IGDCC4: variants seen among roughly 807,000 people sequenced by gnomAD.
The protein encoded by IGDCC4 is likely ortholog of mouse neighbor of Punc E11.
Under a neutral mutation model 116.6 loss-of-function variants are expected in IGDCC4, and 72 were observed. The observed-to-expected ratio is 0.62, with a 90% confidence interval of 0.51 to 0.75. IGDCC4 has a LOEUF of 0.75. Ranked by LOEUF, IGDCC4 falls within the 30% of genes least tolerant of loss-of-function variation. The pLI, the probability that IGDCC4 is intolerant of heterozygous loss-of-function variation, is 0.00. For missense variants in IGDCC4, 1,501 were observed against 1,662.4 expected (o/e 0.90, Z 1.69); for synonymous variants, 709 against 719.9 (o/e 0.98, Z 0.24).
chr15:65,401,045 G>C, intron 4 of IGDCC4, 99 bp from the exon 5 acceptor site: 1 of 1,486,866 alleles, frequency 6.7e-7, no homozygotes, highest in Non-Finnish European at 9.2e-7. Flanking sequence ...TGGTACCGGG[G>C]ACAGCAGCAA....
rs2091484513 is a variant in IGDCC4 at position 65,388,674 on chromosome 15, C to T, written c.2708-88G>A. 5 of 1,599,730 alleles carry T rather than the reference C, an allele frequency of 3.1e-6. No individual in the cohort carries two copies. In the Admixed American group the frequency reaches 6.7e-5, roughly 21 times the overall value. ...GCAGGGAGGGGACTGGGAGAGTCTG[C>T]TCTCCACTTAGGCAGCAGCTTCTGC... On this transcript the variant is annotated intron_variant, in intron 15 of 19. Coordinates refer to ENST00000352385, the MANE Select transcript of IGDCC4 (RefSeq NM_020962.3).
At chr15:65,410,822 A>C in intron 2 of IGDCC4, 198 bp downstream of exon 2, 1 of 587,364 alleles carries the variant, frequency 1.7e-6, no homozygotes, top group Non-Finnish European at 3.0e-6. Context: ...AGTGGAGAAG[A>C]AGCGGGAAGA....
At chr15:65,407,465 C>T (rs930222068) in intron 3 of IGDCC4, among the ~76,000 whole-genome samples, 2 of 152,098 alleles carry the variant, frequency 1.3e-5, no homozygotes, top group African/African-American at 4.8e-5. Flanking sequence ...GCCTCAGCCT[C>T]CTGAGTAGCT....
chr15:65,401,320 C>A (rs1195180727), intron 4 of IGDCC4, among the ~76,000 whole-genome samples: 1 of 152,224 alleles, frequency 6.6e-6, no homozygotes, highest in African/African-American at 2.4e-5. Flanking sequence ...GCCATTAACG[C>A]ACTGGGTGAC....
chr15:65,421,991 TG>T (rs1204216172), intron 1 of IGDCC4, among the ~76,000 whole-genome samples: 5 of 152,158 alleles, frequency 3.3e-5, no homozygotes, highest in African/African-American at 1.2e-4. Flanking sequence ...GAGGCCCTGC[TG>T]ACCTCGTCCA....
intron 1 of IGDCC4, 57 bp downstream of exon 1, chr15:65,422,736 G>A (rs1049436179): frequency 2.4e-6 from 3 of 1,274,712 alleles, no homozygotes; most frequent in African/African-American, 3.2e-5. Context: ...GCAGACCAGG[G>A]CGCGGGCGCA....
intron 3 of IGDCC4, 65 bp downstream of exon 3, chr15:65,410,113 C>T (rs2063075596): frequency 4.4e-6 from 7 of 1,585,854 alleles, no homozygotes; most frequent in Non-Finnish European, 6.0e-6. Context: ...AATCTCAGTT[C>T]TGAGCACACC....
intron 18 of IGDCC4, chr15:65,385,491 C>T (rs987694553): frequency 1.3e-5 from 7 of 530,596 alleles, no homozygotes; most frequent in East Asian, 1.0e-4. Context: ...TTGGCCACAG[C>T]CAAGCCGACT....
At chr15:65,407,234 C>G (rs1355585914) in intron 3 of IGDCC4, among the ~76,000 whole-genome samples, 1 of 147,300 alleles carries the variant, frequency 6.8e-6, no homozygotes. Context: ...GGATGTTTAT[C>G]AAGTGGTAAG....
intron 1 of IGDCC4, among the ~76,000 whole-genome samples, chr15:65,419,213 G>A (rs1349060123): frequency 1.4e-5 from 2 of 146,616 alleles, no homozygotes. Flanking sequence ...ACACCACCAT[G>A]ACCGCCATGC....
In IGDCC4 at chr15:65,384,705, C is replaced by T; in HGVS notation, c.3342+249G>A. On this transcript the variant is annotated intron_variant, in intron 19 of 19. Transcript: ENST00000352385. This position sits in a 1 kb window ranked among gnomAD's most constrained non-coding sequence, Gnocchi z 4.9. ...CTCAGGCCAGCCACACCCTCAGATC[C>T]ACGGAACTGCTGTGGCCCACTTAGG... The T allele has an allele frequency of 1.9e-6, 1 of 539,154 alleles. No homozygotes were observed. Among genetic ancestry groups the T allele is most frequent in the Non-Finnish European group, 3.2e-6 (1 of 317,306 alleles). The allele number at this position is 539,154 out of a possible 1,614,324, so 33.4% of individuals were successfully genotyped here. A position where few individuals can be genotyped will look rare whatever the true frequency, so the allele number is the denominator to read the frequency against.
At chr15:65,399,671 G>A (rs1052708751) in intron 5 of IGDCC4, among the ~76,000 whole-genome samples, 2 of 152,140 alleles carry the variant, frequency 1.3e-5, no homozygotes, top group African/African-American at 4.8e-5. Flanking sequence ...ATGAGGCAGT[G>A]CAGGTCAGAT....
chr15:65,397,385 G>C (rs1419816998), intron 5 of IGDCC4, among the ~76,000 whole-genome samples: 1 of 152,170 alleles, frequency 6.6e-6, no homozygotes, highest in Non-Finnish European at 1.5e-5. Flanking sequence ...CCAACGATTC[G>C]AATGCGCACA....
rs766938616 is a variant in IGDCC4 at position 65,393,527 on chromosome 15, C to G, written c.1719G>C (p.Gln573His). Residue 573 changes from glutamine to histidine, a missense_variant, in exon 10 of 20, where the codon CAG (glutamine) becomes CAC (histidine). Gln to His is a conservative substitution (Grantham distance 24, BLOSUM62 0). This residue lies in a region of IGDCC4 where 898 missense variants were observed against 978.9 expected (regional missense o/e 0.92). Coordinates refer to ENST00000352385, the MANE Select transcript of IGDCC4 (RefSeq NM_020962.3). The surrounding 1 kb of genome is among the most constrained non-coding windows in gnomAD (Gnocchi z 4.6). Reference protein sequence around the residue: ...KIEYGLGKEDQIFSTEVRGNE... With the variant: ...KIEYGLGKEDHIFSTEVRGNE... ...TTCCTCGCACCTCAGTAGAGAAAAT[C>G]TGATCTGCAGGGACAGAAAAGGTGG... 5.6e-6 allele frequency: 9 copies of G among 1,597,662 alleles called. No homozygotes were observed. In the Admixed American group the frequency reaches 1.5e-4, roughly 27 times the overall value.
rs190372957 is a variant in IGDCC4 at position 65,398,806 on chromosome 15, G to A, written c.842-1817C>T. On this transcript the variant is annotated intron_variant, in intron 5 of 19. Transcript: ENST00000352385. ...CTTGGGAAGCTGAGGCAGGAGAATC[G>A]CTTGAACCGGGAGGCGGAAGTTGCA... Among the ~76,000 whole-genome samples the A allele has an allele frequency of 4.0e-3, 614 of 152,028 alleles. 3 individuals carry two copies. Among genetic ancestry groups the A allele is most frequent in the Non-Finnish European group, 7.0e-3 (477 of 67,972 alleles).
chr15:65,399,469 A>AAAG (rs2062963923), intron 5 of IGDCC4, among the ~76,000 whole-genome samples: 1 of 151,016 alleles, frequency 6.6e-6, no homozygotes, highest in Non-Finnish European at 1.5e-5. Flanking sequence ...AAAAAAAAAA[A>AAAG]AAGATTCCTG....
intron 5 of IGDCC4, among the ~76,000 whole-genome samples, chr15:65,399,144 A>C (rs941124347): frequency 5.3e-5 from 8 of 152,080 alleles, no homozygotes; most frequent in Middle Eastern, 3.2e-3. Flanking sequence ...TGCATTTCTA[A>C]CTAGTCATAG....
Position 65,395,128 on chromosome 15 carries a change from G to T in IGDCC4, c.1542C>A (p.Thr514=). The T allele has an allele frequency of 6.2e-7, 1 of 1,613,732 alleles. No homozygotes were observed. The highest frequency in any genetic ancestry group is 2.2e-5 in the East Asian group (1 of 44,858). ...GTGTGTGCACCAGTGCTGGGGTGGA[G>T]GTGCGGCTGGCTCCCAGCTGGGAGT... is the stretch of plus-strand genomic sequence containing the variant. ...VAYSQLGASR[T]STPALVHTLD... Residue 514 remains threonine (T), a synonymous_variant, in exon 8 of 20, where the codon ACC becomes ACA. Transcript: ENST00000352385.
At chr15:65,386,302 C>A (rs965368714) in intron 17 of IGDCC4, among the ~76,000 whole-genome samples, 6 of 152,210 alleles carry the variant, frequency 3.9e-5, no homozygotes, top group African/African-American at 1.4e-4. Flanking sequence ...AAGATGCTGG[C>A]AGCTACAGAG....
Sources: gnomAD v4.1 joint callset for allele counts (sites outside exome capture counted in the v4.1 genomes callset) on GRCh38, gnomAD v4.1.1 for gene constraint, gnomAD v4.1.1 regional missense constraint, Gnocchi (gnomAD v3.1) non-coding constraint, MANE v1.5 for transcripts, NCBI Gene and HGNC (gene_info 2026-07-23, HGNC 2026-07-21) for gene names.